The following SLC3A1 variants were observed in gnomAD, a reference collection of about 807,000 sequenced individuals.
The protein encoded by SLC3A1 is solute carrier family 3 member 1, also known as amino acid transporter heavy chain SLC3A1.
SLC3A1 carries 78 observed loss-of-function variants against 60.3 expected under a neutral mutation model. That is an observed-to-expected ratio of 1.29 (90% CI 1.08 to 1.56). The LOEUF (loss-of-function observed/expected upper bound fraction) is 1.56, where lower values mean the gene tolerates loss of function less well. Ranked by LOEUF, SLC3A1 falls within the 40% of genes most tolerant of loss-of-function variation. The probability of loss-of-function intolerance (pLI) is 0.00; values close to 1 mark genes in which losing one functional copy is unlikely to be tolerated. For synonymous variants in SLC3A1, 392 were observed against 307.9 expected, an observed-to-expected ratio of 1.27 and a Z score of -2.86; for missense variants, 1,172 against 858.9, an observed-to-expected ratio of 1.36 and a Z score of -4.56.
chr2:44,300,873 C>T, intron 5 of SLC3A1, 130 bp from the exon 6 acceptor site: 1 of 1,015,968 alleles, frequency 9.8e-7, no homozygotes, highest in Admixed American at 1.9e-5. Flanking sequence ...TCTCCATCCA[C>T]AAAACCATGT....
chr2:44,308,718 T>G (rs1437943339), intron 7 of SLC3A1, among the ~76,000 whole-genome samples: 1 of 151,984 alleles, frequency 6.6e-6, no homozygotes, highest in Non-Finnish European at 1.5e-5. Flanking sequence ...TAGTTTATTG[T>G]GAATTCCTGA....
chr2:44,318,186 G>A, intron 9 of SLC3A1: 1 of 421,932 alleles, frequency 2.4e-6, no homozygotes, highest in Admixed American at 2.7e-5. Flanking sequence ...TGCTTCCTGG[G>A]TTCAAGTGAT....
intron 7 of SLC3A1, among the ~76,000 whole-genome samples, chr2:44,305,720 C>T (rs764626961): frequency 3.9e-5 from 6 of 152,220 alleles, no homozygotes; most frequent in Non-Finnish European, 5.9e-5. Flanking sequence ...TGAGCCACCA[C>T]TCCTGGCCCT....
chr2:44,305,587 C>G (rs1339758624), intron 7 of SLC3A1, among the ~76,000 whole-genome samples: 1 of 151,850 alleles, frequency 6.6e-6, no homozygotes, highest in South Asian at 2.1e-4. Flanking sequence ...GCCACCATGC[C>G]TGGCTAATTT....
At position 44,275,910 on chromosome 2, in the gene SLC3A1, G is replaced by T; in HGVS notation, c.375G>T (p.Gln125His). ...GGTGGCAGGAGGGGCCCATGTACCA[G>T]ATCTACCCAAGGTCTTTCAAGGACA... is the stretch of plus-strand genomic sequence containing the variant. ...LDWWQEGPMY[Q>H]IYPRSFKDSN... is the part of the protein sequence containing the mutation. Residue 125 changes from glutamine to histidine, a missense_variant, in exon 1 of 10, where the codon CAG becomes CAT. By Grantham distance (24) the Gln-to-His change is conservative (BLOSUM62 0). Transcript: ENST00000260649. 2 of 1,614,246 alleles carry T rather than the reference G, an allele frequency of 1.2e-6. No homozygotes were observed. Among genetic ancestry groups the T allele is most frequent in the South Asian group, 1.1e-5 (1 of 91,086 alleles).
intron 4 of SLC3A1, among the ~76,000 whole-genome samples, chr2:44,298,553 T>A (rs1671915650): frequency 6.6e-6 from 1 of 152,202 alleles, no homozygotes; most frequent in South Asian, 2.1e-4. Context: ...AATTTTTGTA[T>A]GTTTAGTAGA....
chr2:44,275,767 G>A lies in SLC3A1; in HGVS notation c.232G>A (p.Gly78Ser). The A allele has an allele frequency of 6.2e-7, 1 of 1,614,252 alleles. No individual in the cohort carries two copies. Residue 78 changes from glycine (G) to serine (S), a missense_variant, in exon 1 of 10, where the codon GGC becomes AGC. Gly to Ser is a moderately conservative substitution (Grantham distance 56, BLOSUM62 0). Coordinates refer to ENST00000260649, the MANE Select transcript of SLC3A1 (RefSeq NM_000341.4). ...CAAGGAGGTGCTGTTCCAGTTCTCTGGCCAGGCCCGCTACCGCATACCTCG... is the reference window on the plus strand; with the variant it reads ...CAAGGAGGTGCTGTTCCAGTTCTCTAGCCAGGCCCGCTACCGCATACCTCG... Reference protein sequence around the residue: ...MPKEVLFQFSGQARYRIPREI... With the variant: ...MPKEVLFQFSSQARYRIPREI...
chr2:44,298,319 ACCT>A (rs1671908342), intron 4 of SLC3A1, among the ~76,000 whole-genome samples: 1 of 151,428 alleles, frequency 6.6e-6, no homozygotes, highest in South Asian at 2.1e-4. Flanking sequence ...AGTTTTCTTT[ACCT>A]CCTCCTACTC....
At chr2:44,306,404 T>C (rs1042682140) in intron 7 of SLC3A1, among the ~76,000 whole-genome samples, 1 of 152,126 alleles carries the variant, frequency 6.6e-6, no homozygotes, top group African/African-American at 2.4e-5. Flanking sequence ...TGTGTTTCCA[T>C]TGCCAGAGCC....
chr2:44,298,062 C>G (rs566657002), intron 4 of SLC3A1, among the ~76,000 whole-genome samples: 4 of 152,136 alleles, frequency 2.6e-5, no homozygotes, highest in East Asian at 3.8e-4. Context: ...TTTGCGTGGA[C>G]ATAAGTTTTC....
chr2:44,286,696 G>C (rs1208062336), intron 4 of SLC3A1, among the ~76,000 whole-genome samples: 2 of 150,416 alleles, frequency 1.3e-5, no homozygotes, highest in Non-Finnish European at 3.0e-5. Flanking sequence ...TGCGGTGCCT[G>C]TGACTGAGCT....
chr2:44,306,398 T>C (rs1672156723), intron 7 of SLC3A1, among the ~76,000 whole-genome samples: 3 of 152,134 alleles, frequency 2.0e-5, no homozygotes, highest in African/African-American at 4.8e-5. Context: ...GGAATGTGTG[T>C]TTCCATTGCC....
intron 1 of SLC3A1, among the ~76,000 whole-genome samples, chr2:44,278,650 A>G (rs1276439684): frequency 2.0e-5 from 3 of 152,012 alleles, no homozygotes; most frequent in South Asian, 2.1e-4. Flanking sequence ...TGAATTCTAG[A>G]CTCAAGTTGC....
At chr2:44,309,797 C>A (rs926533848) in intron 7 of SLC3A1, among the ~76,000 whole-genome samples, 3 of 152,142 alleles carry the variant, frequency 2.0e-5, no homozygotes, top group African/African-American at 4.8e-5. Context: ...TGGGGTTTTA[C>A]CATGTTGGCC....
intron 1 of SLC3A1, among the ~76,000 whole-genome samples, chr2:44,277,949 T>C (rs536252999): frequency 2.0e-5 from 3 of 152,258 alleles, no homozygotes; most frequent in African/African-American, 7.2e-5. Flanking sequence ...GATTGCCCTC[T>C]CTCCTTCTAA....
In SLC3A1 at chr2:44,280,706, T is replaced by A; in HGVS notation, c.431-10T>A. On this transcript the variant is annotated splice_polypyrimidine_tract_variant and intron_variant, in intron 1 of 9. Coordinates refer to ENST00000260649, the MANE Select transcript of SLC3A1 (RefSeq NM_000341.4). ...TAGGGTTTATTCATGACTTTGACTT[T>A]TTTCTTCAGGTATTCAAGATAAACT... 1 of 1,597,322 alleles carries A rather than the reference T, an allele frequency of 6.3e-7. No individual in the cohort carries two copies. The highest frequency in any genetic ancestry group is 8.6e-7 in the Non-Finnish European group (1 of 1,165,428).
rs201121824 is a variant in SLC3A1 at position 44,300,980 on chromosome 2, C to T, written c.1012-23C>T. The T allele has an allele frequency of 6.7e-4, 1,074 of 1,613,354 alleles. 3 individuals carry two copies. In the African/African-American group the frequency reaches 8.2e-3, roughly 12 times the overall value. The stretch of plus-strand genomic sequence containing the variant: ...CATGCAATGTATGAAATGAGGGTAA[C>T]CATGTCGTCCTGGTTTTCAAAGGAC... On this transcript the variant is annotated intron_variant, in intron 5 of 9. Transcript: ENST00000260649.
chr2:44,308,866 G>A (rs1409120870), intron 7 of SLC3A1, among the ~76,000 whole-genome samples: 1 of 151,898 alleles, frequency 6.6e-6, no homozygotes, highest in Non-Finnish European at 1.5e-5. Context: ...CCAAATAGCT[G>A]GGACTACAGG....
At chr2:44,318,061 A>T (rs1672577415) in intron 9 of SLC3A1, 2 of 431,944 alleles carry the variant, frequency 4.6e-6, no homozygotes, top group Non-Finnish European at 9.2e-6. Context: ...ATATTTGCAC[A>T]TGTGCACAAT....
Sources: allele counts gnomAD v4.1 joint callset (sites outside exome capture counted in the v4.1 genomes callset), GRCh38; gene constraint gnomAD v4.1.1; transcripts MANE v1.5; gene names NCBI Gene and HGNC (gene_info 2026-07-23, HGNC 2026-07-21).